Variants in SLC22A3 observed in about 807,000 individuals in gnomAD.
The protein encoded by SLC22A3 is EMT organic cation transporter 3.
In SLC22A3, 51 loss-of-function variants were observed where a neutral mutation model predicts 59.1. That is an observed-to-expected ratio of 0.86 (90% CI 0.69 to 1.09). The LOEUF is 1.09. Ranked by LOEUF, SLC22A3 falls within the 50% of genes least tolerant of loss-of-function variation. The pLI is 0.00. For missense variants in SLC22A3, 711 were observed against 726.3 expected, an observed-to-expected ratio of 0.98 and a Z score of 0.24; for synonymous variants, 325 against 292.0, an observed-to-expected ratio of 1.11 and a Z score of -1.15.
intron 1 of SLC22A3, among the ~76,000 whole-genome samples, chr6:160,374,055 T>C (rs186121212): frequency 7.4e-4 from 112 of 152,288 alleles, no homozygotes; most frequent in African/African-American, 2.4e-3. Context: ...CACTGGGGTA[T>C]GAAAAAAACT....
intron 5 of SLC22A3, among the ~76,000 whole-genome samples, chr6:160,421,872 A>G (rs1236069834): frequency 1.3e-5 from 2 of 152,168 alleles, no homozygotes; most frequent in African/African-American, 4.8e-5. Context: ...TTCTTCATGT[A>G]TGTTGCTCCT....
intron 1 of SLC22A3, among the ~76,000 whole-genome samples, chr6:160,380,504 C>G (rs1785756748): frequency 6.6e-6 from 1 of 152,064 alleles, no homozygotes; most frequent in Non-Finnish European, 1.5e-5. Flanking sequence ...TCATATGCCA[C>G]TCAACTAAAA....
intron 9 of SLC22A3, among the ~76,000 whole-genome samples, chr6:160,446,400 G>A (rs941447971): frequency 1.3e-5 from 2 of 152,218 alleles, no homozygotes; most frequent in African/African-American, 4.8e-5. Context: ...AAAGAAAAGA[G>A]GTTTAATTGA....
intron 5 of SLC22A3, among the ~76,000 whole-genome samples, chr6:160,425,124 C>T (rs2114891475): frequency 6.6e-6 from 1 of 152,306 alleles, no homozygotes; most frequent in East Asian, 1.9e-4. Flanking sequence ...TTTCTTTCCA[C>T]AATTCTGTAA....
At chr6:160,418,593 G>A (rs999268905) in intron 5 of SLC22A3, among the ~76,000 whole-genome samples, 1 of 152,180 alleles carries the variant, frequency 6.6e-6, no homozygotes, top group East Asian at 1.9e-4. Context: ...TGTCAACACT[G>A]AGTGAGCAGC....
intron 1 of SLC22A3, among the ~76,000 whole-genome samples, chr6:160,360,554 C>T (rs1784980022): frequency 6.6e-6 from 1 of 152,172 alleles, no homozygotes; most frequent in Non-Finnish European, 1.5e-5. Flanking sequence ...ACCTCTTTCT[C>T]TTAAGAACAT....
intron 1 of SLC22A3, among the ~76,000 whole-genome samples, chr6:160,385,601 C>T (rs1394064554): frequency 6.6e-6 from 1 of 152,212 alleles, no homozygotes; most frequent in Non-Finnish European, 1.5e-5. Flanking sequence ...CTTCCTCGGC[C>T]CTACTGTGCG....
At chr6:160,443,594 A>C (rs772636100) in intron 8 of SLC22A3, 36 bp from the exon 9 acceptor site, 2 of 1,362,752 alleles carry the variant, frequency 1.5e-6, no homozygotes, top group African/African-American at 2.9e-5. Context: ...CACTTGTTGA[A>C]ATAGTTTTCA....
Position 160,409,147 on chromosome 6 carries a change from A to G in SLC22A3, c.857+226A>G, listed in dbSNP as rs1488421529. Among the ~76,000 whole-genome samples, 4 of 116,804 alleles carry G rather than the reference A, an allele frequency of 3.4e-5. No homozygotes were observed. The East Asian group carries it at 1.0e-3, about 29-fold the overall frequency. The allele number at this position is 116,804 out of a possible 152,430, so 76.6% of individuals were successfully genotyped here. Reference sequence around the variant, plus strand: ...TAATGTGTCATCTAGCATTAGGTATATCTCCCAATGCTATCCCTCCCCCCT... The same window carrying G: ...TAATGTGTCATCTAGCATTAGGTATGTCTCCCAATGCTATCCCTCCCCCCT... On this transcript the variant is annotated intron_variant, in intron 4 of 10. Coordinates refer to ENST00000275300, the MANE Select transcript of SLC22A3 (RefSeq NM_021977.4).
chr6:160,349,715 A>T (rs1784598882), intron 1 of SLC22A3, among the ~76,000 whole-genome samples: 1 of 152,176 alleles, frequency 6.6e-6, no homozygotes, highest in African/African-American at 2.4e-5. Context: ...TGAGGTCCAG[A>T]TATAGAGCAG....
intron 1 of SLC22A3, among the ~76,000 whole-genome samples, chr6:160,377,344 G>A (rs139014432): frequency 6.6e-6 from 1 of 152,154 alleles, no homozygotes; most frequent in Non-Finnish European, 1.5e-5. Flanking sequence ...AATTAGCTGG[G>A]TGTGGTGATA....
chr6:160,396,093 C>T (rs971988631), intron 1 of SLC22A3, among the ~76,000 whole-genome samples: 25 of 152,158 alleles, frequency 1.6e-4, no homozygotes, highest in African/African-American at 5.6e-4. Context: ...AAAACAAATT[C>T]GTCTAAGAAT....
At chr6:160,370,975 G>A (rs1236105736) in intron 1 of SLC22A3, among the ~76,000 whole-genome samples, 2 of 152,196 alleles carry the variant, frequency 1.3e-5, no homozygotes, top group East Asian at 3.9e-4. Flanking sequence ...AGCCTTTCCT[G>A]ACACAGACCT....
At chr6:160,392,502 A>G (rs759380988) in intron 1 of SLC22A3, among the ~76,000 whole-genome samples, 5 of 152,258 alleles carry the variant, frequency 3.3e-5, no homozygotes, top group Admixed American at 6.5e-5. Context: ...CAAGGTGTGT[A>G]TATGCCTGGT....
chr6:160,436,111 G>A (rs998129446), intron 5 of SLC22A3, among the ~76,000 whole-genome samples: 4 of 152,192 alleles, frequency 2.6e-5, no homozygotes, highest in Non-Finnish European at 4.4e-5. Context: ...ACAGGAAACT[G>A]GAGCTGCGGT....
At chr6:160,363,450 C>A (rs1204186814) in intron 1 of SLC22A3, among the ~76,000 whole-genome samples, 1 of 152,042 alleles carries the variant, frequency 6.6e-6, no homozygotes, top group Admixed American at 6.6e-5. Flanking sequence ...TTCACAAGAG[C>A]GGGGCCCTCC....
intron 5 of SLC22A3, among the ~76,000 whole-genome samples, chr6:160,434,476 A>G (rs1788266117): frequency 6.6e-6 from 1 of 152,192 alleles, no homozygotes; most frequent in Non-Finnish European, 1.5e-5. Context: ...TTATTTATAG[A>G]ATAAGATTAA....
At chr6:160,371,559 C>T (rs1583453620) in intron 1 of SLC22A3, among the ~76,000 whole-genome samples, 1 of 152,338 alleles carries the variant, frequency 6.6e-6, no homozygotes, top group East Asian at 1.9e-4. Context: ...ATATGTGCCA[C>T]ATTTTCTTTA....
At chr6:160,350,762 A>G (rs1183136294) in intron 1 of SLC22A3, among the ~76,000 whole-genome samples, 1 of 152,188 alleles carries the variant, frequency 6.6e-6, no homozygotes, top group Non-Finnish European at 1.5e-5. Flanking sequence ...CTGGAGTTGC[A>G]GGGTTACTAG....
Sources: allele counts gnomAD v4.1 joint callset (sites outside exome capture counted in the v4.1 genomes callset), GRCh38; gene constraint gnomAD v4.1.1; transcripts MANE v1.5; gene names NCBI Gene and HGNC (gene_info 2026-07-23, HGNC 2026-07-21).